Variants in EPHB4 observed in about 807,000 individuals in gnomAD.
EPHB4 encodes the protein ephrin type-B receptor 4.
EPHB4 carries 50 observed loss-of-function variants against 110.6 expected under a neutral mutation model. The ratio of observed to expected loss-of-function variants is 0.45; its 90% confidence interval spans 0.36 to 0.57. EPHB4 has a LOEUF of 0.57. Ranked by LOEUF, EPHB4 falls within the 20% of genes least tolerant of loss-of-function variation. EPHB4 has a pLI of 0.00. For missense variants in EPHB4, 1,128 were observed against 1,382.1 expected, an observed-to-expected ratio of 0.82 and a Z score of 2.91; for synonymous variants, 592 against 578.4, an observed-to-expected ratio of 1.02 and a Z score of -0.34.
chr7:100,814,155 CA>C (rs1461619525), intron 8 of EPHB4, 134 bp from the exon 9 acceptor site: 13 of 903,048 alleles, frequency 1.4e-5, no homozygotes, highest in African/African-American at 1.2e-4. Context: ...GGAGAGGACA[CA>C]AGCAGGCAAG....
intron 8 of EPHB4, among the ~76,000 whole-genome samples, chr7:100,815,258 G>C (rs1813040708): frequency 6.6e-6 from 1 of 152,142 alleles, no homozygotes. Context: ...GGGAGGTTGA[G>C]GCTGCAGTGA....
intron 3 of EPHB4, 87 bp downstream of exon 3, chr7:100,823,557 C>T: frequency 6.5e-7 from 1 of 1,534,788 alleles, no homozygotes; most frequent in Non-Finnish European, 8.8e-7. Flanking sequence ...AGAGGCCTCG[C>T]AACTACATCG....
chr7:100,808,445 T>G (rs1812860780), intron 12 of EPHB4, among the ~76,000 whole-genome samples: 1 of 152,140 alleles, frequency 6.6e-6, no homozygotes, highest in South Asian at 2.1e-4. Flanking sequence ...CAGGCTTGTC[T>G]CCAACTCCTG....
chr7:100,818,586 C>A lies in EPHB4; in HGVS notation c.1356G>T (p.Leu452=), dbSNP rs150291524. The change falls in exon 7 of 17, where the codon CTG becomes CTT. Residue 452 remains leucine (L), a synonymous_variant. Coordinates refer to ENST00000358173, the MANE Select transcript of EPHB4 (RefSeq NM_004444.5). The stretch of plus-strand genomic sequence containing the variant: ...TGGGTGCCCGGGGAACAGCCCAGGC[C>A]AGGCTCAAGCTGCTGGGTGAGGACC... ...VTRSSPSSLS[L]AWAVPRAPSG... 1.2e-6 allele frequency: 2 copies of A among 1,613,738 alleles called. No homozygotes were observed. The highest frequency in any genetic ancestry group is 8.5e-7 in the Non-Finnish European group (1 of 1,180,028).
chr7:100,817,678 G>A (rs555708878), intron 7 of EPHB4, among the ~76,000 whole-genome samples: 2 of 151,726 alleles, frequency 1.3e-5, no homozygotes, highest in South Asian at 2.1e-4. Context: ...ACAGGGGCCC[G>A]CCAACACACT....
chr7:100,804,231 G>A (rs557387598), intron 16 of EPHB4, among the ~76,000 whole-genome samples: 2 of 151,348 alleles, frequency 1.3e-5, no homozygotes, highest in East Asian at 3.9e-4. Flanking sequence ...AAACTCCTGG[G>A]CTCAAGCAAT....
At chr7:100,817,834 T>A (rs566032789) in intron 7 of EPHB4, among the ~76,000 whole-genome samples, 1 of 150,678 alleles carries the variant, frequency 6.6e-6, no homozygotes, top group African/African-American at 2.4e-5. Flanking sequence ...CCAGTCTAAT[T>A]TTTTTCATTT....
In EPHB4 at chr7:100,823,793, C is replaced by A; in HGVS notation, c.262G>T (p.Ala88Ser). Reference protein sequence around the residue: ...VPRRGAVHVYATLRFTMLECL... With the variant: ...VPRRGAVHVYSTLRFTMLECL... ...TCGAGCATGGTGAAGCGCAGCGTGGCGTACACGTGGACGGCGCCCCGCCGT... is the reference window on the plus strand; with the variant it reads ...TCGAGCATGGTGAAGCGCAGCGTGGAGTACACGTGGACGGCGCCCCGCCGT... The change falls in exon 3 of 17, where the codon GCC becomes TCC. Residue 88 changes from alanine (A) to serine (S), a missense_variant. Transcript: ENST00000358173. 6.2e-7 allele frequency: 1 copy of A among 1,613,438 alleles called. No individual in the cohort carries two copies. Among genetic ancestry groups the A allele is most frequent in the Non-Finnish European group, 8.5e-7 (1 of 1,179,926 alleles).
In EPHB4 at chr7:100,822,391, C is replaced by A; in HGVS notation, c.688G>T (p.Ala230Ser). The A allele has an allele frequency of 6.4e-7, 1 of 1,572,066 alleles. No homozygotes were observed. Among genetic ancestry groups the A allele is most frequent in the Non-Finnish European group, 8.6e-7 (1 of 1,157,332 alleles). ...AGSCVVDAVP[A>S]PGPSPSLYCR... ...TAGAGGCTGGGGCTGGGGCCAGGGG[C>A]GGGGACGGCATCCACCACGCAGCTA... Residue 230 changes from alanine to serine, a missense_variant, in exon 4 of 17, where the codon GCC becomes TCC. Around this residue, in one of 3 missense-constraint regions of EPHB4, gnomAD observed 728 missense variants for 828.6 expected, o/e 0.88. Coordinates refer to ENST00000358173, the MANE Select transcript of EPHB4 (RefSeq NM_004444.5). This position sits in a 1 kb window ranked among gnomAD's most constrained non-coding sequence, Gnocchi z 4.7.
At position 100,805,563 on chromosome 7, in the gene EPHB4, G is replaced by C. The variant is rs756917361; in HGVS notation, c.2616C>G (p.Ser872Arg). 6.5e-7 allele frequency: 1 copy of C among 1,541,302 alleles called. No homozygotes were observed. Among genetic ancestry groups the C allele is most frequent in the Non-Finnish European group, 8.7e-7 (1 of 1,145,458 alleles). The change falls in exon 15 of 17, where the codon AGC becomes AGG. Residue 872 changes from serine to arginine, a missense_variant. Around this residue, in one of 3 missense-constraint regions of EPHB4, gnomAD observed 209 missense variants for 240.5 expected, o/e 0.87. Coordinates refer to ENST00000358173, the MANE Select transcript of EPHB4 (RefSeq NM_004444.5). Reference sequence around the variant, plus strand: ...GGTTCCGGATCATCTTGTCCAGGGCGCTGACCACCTGGGGGAAGCGGGGCC... The same window carrying C: ...GGTTCCGGATCATCTTGTCCAGGGCCCTGACCACCTGGGGGAAGCGGGGCC... ...NARPRFPQVV[S>R]ALDKMIRNPA...
At chr7:100,807,057 G>C (rs1812832343) in intron 13 of EPHB4, among the ~76,000 whole-genome samples, 2 of 152,062 alleles carry the variant, frequency 1.3e-5, no homozygotes, top group South Asian at 4.1e-4. Context: ...CCAACTCCTG[G>C]GCTTAAGCAA....
In EPHB4 at chr7:100,812,864, G is replaced by A. The variant is rs1812969934; in HGVS notation, c.2001C>T (p.Ile667=). 1 of 1,614,146 alleles carries A rather than the reference G, an allele frequency of 6.2e-7. No individual in the cohort carries two copies. Among genetic ancestry groups the A allele is most frequent in the South Asian group, 1.1e-5 (1 of 91,094 alleles). ...QRREFLSEAS[I]MGQFEHPNII... ...TATTGGGGTGCTCGAACTGGCCCAT[G>A]ATGGAGGCCTCGCTCAGAAACTCAC... Residue 667 remains isoleucine, a synonymous_variant, in exon 12 of 17, where the codon ATC becomes ATT. Transcript: ENST00000358173.
At chr7:100,826,856 T>A in intron 1 of EPHB4, 123 bp downstream of exon 1, 4 of 641,702 alleles carry the variant, frequency 6.2e-6, no homozygotes, top group East Asian at 5.5e-5. Flanking sequence ...CGGTCCGAAG[T>A]GTTTGGGACT....
rs1206580927 is a variant in EPHB4, at chr7:100,823,867, A to T, written c.188T>A (p.Val63Glu). 6.2e-7 allele frequency: 1 copy of T among 1,612,264 alleles called. No individual in the cohort carries two copies. Among genetic ancestry groups the T allele is most frequent in the South Asian group, 1.1e-5 (1 of 90,948 alleles). ...GTGGGCCTGGCCCGGGGCACGCTGC[A>T]CGTCACACACTTCGTAGGTGCGCAC... Reference protein sequence around the residue: ...HSVRTYEVCDVQRAPGQAHWL... With the variant: ...HSVRTYEVCDEQRAPGQAHWL... Residue 63 changes from valine (V) to glutamate (E), a missense_variant, in exon 3 of 17, where the codon GTG (valine) becomes GAG (glutamate). Coordinates refer to ENST00000358173, the MANE Select transcript of EPHB4 (RefSeq NM_004444.5).
intron 9 of EPHB4, 73 bp downstream of exon 9, chr7:100,813,846 T>C: frequency 3.1e-6 from 5 of 1,603,910 alleles, no homozygotes; most frequent in Non-Finnish European, 4.3e-6. Flanking sequence ...CCAGAAAGGC[T>C]TGTCCTGTAG....
Position 100,813,653 on chromosome 7 carries a change from A to G in EPHB4, c.1755T>C (p.His585=). Residue 585 remains histidine, a splice_region_variant and synonymous_variant, in exon 10 of 17, where the codon CAT becomes CAC. Transcript: ENST00000358173. The part of the protein sequence containing the change: ...SDKHGQYLIG[H]GTKVYIDPFT... Reference sequence around the variant, plus strand: ...TCCCATCAAATTAGGGCAACCCACCATGTCCGATGAGATACTGTCCGTGTT... The same window carrying G: ...TCCCATCAAATTAGGGCAACCCACCGTGTCCGATGAGATACTGTCCGTGTT... 1 of 1,613,906 alleles carries G rather than the reference A, an allele frequency of 6.2e-7. No homozygotes were observed. The highest frequency in any genetic ancestry group is 8.5e-7 in the Non-Finnish European group (1 of 1,179,970).
chr7:100,814,159 C>T, intron 8 of EPHB4, 138 bp from the exon 9 acceptor site: 1 of 850,998 alleles, frequency 1.2e-6, no homozygotes, highest in Non-Finnish European at 1.8e-6. Context: ...AGGACACAAG[C>T]AGGCAAGGTC....
chr7:100,808,751 C>T (rs774119837), intron 12 of EPHB4, among the ~76,000 whole-genome samples: 2 of 152,272 alleles, frequency 1.3e-5, no homozygotes, highest in Middle Eastern at 3.4e-3. Context: ...TTCTGGGTTC[C>T]GCTAAGATTT....
At chr7:100,824,534 G>A (rs2250818) in intron 1 of EPHB4, 122,889 of 487,128 alleles carry the variant, frequency 0.25, 18,968 homozygotes, top group East Asian at 0.61. Flanking sequence ...GAGGAGGGAG[G>A]GAGATCAAAA....
Sources: gnomAD v4.1 joint callset for allele counts (sites outside exome capture counted in the v4.1 genomes callset) on GRCh38, gnomAD v4.1.1 for gene constraint, gnomAD v4.1.1 regional missense constraint, Gnocchi (gnomAD v3.1) non-coding constraint, MANE v1.5 for transcripts, NCBI Gene and HGNC (gene_info 2026-07-23, HGNC 2026-07-21) for gene names.